The following GABRP variants were observed in gnomAD, a reference collection of about 807,000 sequenced individuals.
GABRP encodes gamma-aminobutyric acid type A receptor subunit pi, also known as gamma-aminobutyric acid receptor subunit pi.
A neutral mutation model predicts 47.8 loss-of-function variants in GABRP; 52 were observed. The observed-to-expected ratio is 1.09, with a 90% confidence interval of 0.87 to 1.37. GABRP has a LOEUF of 1.37. Among genes scored for constraint, GABRP ranks in the 40% most tolerant of loss-of-function variants. GABRP has a pLI of 0.00. For missense variants in GABRP, 525 were observed against 542.8 expected (o/e 0.97, Z 0.33); for synonymous variants, 221 against 205.8 (o/e 1.07, Z -0.63).
chr5:170,790,775 T>C (rs1198783151), intron 3 of GABRP, among the ~76,000 whole-genome samples: 6 of 152,084 alleles, frequency 3.9e-5, no homozygotes, highest in Non-Finnish European at 8.8e-5. Context: ...ACAGGCCACT[T>C]TGATATCCCC....
upstream of GABRP, chr5:170,783,606 A>G (rs1425534253): frequency 1.5e-5 from 1 of 66,656 alleles, no homozygotes; most frequent in Non-Finnish European, 4.0e-5. Context: ...TCAGGACCAG[A>G]CGATCTCCAG....
chr5:170,811,907 A>AT, intron 9 of GABRP, 49 bp from the exon 10 acceptor site: 1 of 1,534,874 alleles, frequency 6.5e-7, no homozygotes, highest in African/African-American at 1.4e-5. Flanking sequence ...CTACTTATTT[A>AT]TTTTGCTGAG....
At chr5:170,785,204 G>A (rs1251382693) in intron 1 of GABRP, among the ~76,000 whole-genome samples, 1 of 152,230 alleles carries the variant, frequency 6.6e-6, no homozygotes, top group African/African-American at 2.4e-5. Context: ...CCCCAGATGG[G>A]TTTGGTATAA....
intron 9 of GABRP, among the ~76,000 whole-genome samples, chr5:170,810,865 T>C (rs1765864792): frequency 6.6e-6 from 1 of 151,958 alleles, no homozygotes. Flanking sequence ...AAGAGGAACA[T>C]GGCTTTTATT....
At chr5:170,782,757 G>A (rs968950732), upstream of GABRP, 4 of 152,120 alleles carry the variant, frequency 2.6e-5, no homozygotes, top group African/African-American at 7.2e-5. Context: ...CAGGAGCTTC[G>A]CCATGATGTC....
intron 9 of GABRP, among the ~76,000 whole-genome samples, chr5:170,811,392 A>G (rs1765879831): frequency 6.6e-6 from 1 of 151,666 alleles, no homozygotes; most frequent in Non-Finnish European, 1.5e-5. Flanking sequence ...GGCAGGGAGC[A>G]TCACTATTTC....
intron 9 of GABRP, 138 bp downstream of exon 9, chr5:170,809,893 G>A (rs934195898): frequency 4.9e-6 from 4 of 821,682 alleles, no homozygotes; most frequent in Non-Finnish European, 8.1e-6. Context: ...TCCTTGTTCA[G>A]GTGGGAGCAG....
intron 5 of GABRP, among the ~76,000 whole-genome samples, chr5:170,795,712 G>C (rs1169517277): frequency 1.3e-5 from 2 of 152,198 alleles, no homozygotes; most frequent in African/African-American, 4.8e-5. Flanking sequence ...TGGGGCCCAA[G>C]TTAGGGAGTA....
Position 170,808,598 on chromosome 5 carries a change from A to T in GABRP, c.680-2A>T. ...TTTCCTATCTGTTGTTTACCCTTTC[A>T]GGAAATTACACTAGATTGGTCTTAC... is the stretch of plus-strand genomic sequence containing the variant. On this transcript the variant is annotated splice_acceptor_variant, in intron 7 of 9. Transcript: ENST00000265294. LOFTEE classifies it high-confidence loss of function. 6.2e-7 allele frequency: 1 copy of T among 1,613,232 alleles called. No homozygotes were observed. Among genetic ancestry groups the T allele is most frequent in the African/African-American group, 1.3e-5 (1 of 75,008 alleles).
Position 170,788,624 on chromosome 5 carries a change from C to T in GABRP, c.9C>T (p.Tyr3=). ...GTGAGCAGCTTCTCAACATGAACTA[C>T]AGCCTCCACTTGGCCTTCGTGTGTC... MN[Y]SLHLAFVCLS... The change falls in exon 2 of 10, where the codon TAC becomes TAT. Residue 3 remains tyrosine (Y), a synonymous_variant. Transcript: ENST00000265294. 1.9e-6 allele frequency: 3 copies of T among 1,614,154 alleles called. No individual in the cohort carries two copies. The highest frequency in any genetic ancestry group is 2.5e-6 in the Non-Finnish European group (3 of 1,180,016).
intron 7 of GABRP, 40 bp from the exon 8 acceptor site, chr5:170,808,560 C>T (rs373891915): frequency 1.7e-5 from 27 of 1,589,544 alleles, no homozygotes; most frequent in East Asian, 1.6e-4. Context: ...ACTTGCTACA[C>T]GAACAGACAC....
chr5:170,789,064 G>A lies in GABRP; in HGVS notation c.54-65G>A, dbSNP rs569427629. ...CACACGTGGGCAAACACAAGCTCAA[G>A]GGTGTGTACACGTGTTGATTCACAC... On this transcript the variant is annotated intron_variant, in intron 2 of 9. Transcript: ENST00000265294. 4.8e-6 allele frequency: 6 copies of A among 1,258,816 alleles called. No homozygotes were observed. The South Asian group carries it at 7.5e-5, about 16-fold the overall frequency. The allele number at this position is 1,258,816 out of a possible 1,614,324, so 78.0% of individuals were successfully genotyped here.
At chr5:170,810,713 C>T (rs150200416) in intron 9 of GABRP, among the ~76,000 whole-genome samples, 389 of 152,234 alleles carry the variant, frequency 2.6e-3, no homozygotes, top group African/African-American at 8.6e-3. Flanking sequence ...GCTAGGACCA[C>T]GGAGGATCTA....
At chr5:170,811,383 G>T (rs933169556) in intron 9 of GABRP, among the ~76,000 whole-genome samples, 1 of 151,552 alleles carries the variant, frequency 6.6e-6, no homozygotes, top group Non-Finnish European at 1.5e-5. Flanking sequence ...CCTTGCAATG[G>T]CAGGGAGCAT....
rs190487224 is a variant in GABRP at position 170,791,525 on chromosome 5, T to C, written c.172+2278T>C. Among the ~76,000 whole-genome samples, 352 of 152,342 alleles carry C rather than the reference T, an allele frequency of 2.3e-3. 1 individual carries two copies. The highest frequency in any genetic ancestry group is 7.6e-3 in the African/African-American group (314 of 41,576). On this transcript the variant is annotated intron_variant, in intron 3 of 9. Transcript: ENST00000265294. The stretch of plus-strand genomic sequence containing the variant: ...TACCCAGGAGCTGGCTTTGACCTCG[T>C]TCCTGGGAGAAAGCTGCCCTCTGGT...
chr5:170,802,417 GA>G (rs1326540608), intron 6 of GABRP, among the ~76,000 whole-genome samples: 20 of 152,170 alleles, frequency 1.3e-4, no homozygotes, highest in African/African-American at 4.8e-4. Context: ...TTATGAAGCA[GA>G]AGCCATTTTT....
chr5:170,804,296 G>A (rs1041988005), intron 6 of GABRP, among the ~76,000 whole-genome samples: 3 of 151,722 alleles, frequency 2.0e-5, no homozygotes, highest in Admixed American at 2.0e-4. Flanking sequence ...TCCACCTTTT[G>A]GCTATTATGA....
intron 4 of GABRP, among the ~76,000 whole-genome samples, chr5:170,794,866 C>T (rs1290371072): frequency 2.0e-5 from 3 of 151,784 alleles, no homozygotes; most frequent in Non-Finnish European, 4.4e-5. Context: ...CCTTAGTGAT[C>T]AGTGCAATGT....
At position 170,805,827 on chromosome 5, in the gene GABRP, T is replaced by C; in HGVS notation, c.653T>C (p.Leu218Ser). The change falls in exon 7 of 10, where the codon TTA (leucine) becomes TCA (serine). Residue 218 changes from leucine to serine, a missense_variant. Transcript: ENST00000265294. ...AQYTIERYFT[L>S]VTRSQQETGN... ...TACACCATAGAGCGGTATTTCACCTTAGTCACCAGATCGCAGCAGGAGACA... is the reference window on the plus strand; with the variant it reads ...TACACCATAGAGCGGTATTTCACCTCAGTCACCAGATCGCAGCAGGAGACA... The C allele has an allele frequency of 1.2e-6, 2 of 1,614,174 alleles. No individual in the cohort carries two copies. The highest frequency in any genetic ancestry group is 1.7e-6 in the Non-Finnish European group (2 of 1,180,012).
Sources: allele counts gnomAD v4.1 joint callset (sites outside exome capture counted in the v4.1 genomes callset), GRCh38; gene constraint gnomAD v4.1.1; transcripts MANE v1.5; gene names NCBI Gene and HGNC (gene_info 2026-07-23, HGNC 2026-07-21).